The following PLSCR2 variants were observed in gnomAD, a reference collection of about 807,000 sequenced individuals.
The protein encoded by PLSCR2 is phospholipid scramblase 2.
In PLSCR2, 18 loss-of-function variants were observed where a neutral mutation model predicts 25.3. The observed-to-expected ratio is 0.71, with a 90% CI of 0.49 to 1.06. PLSCR2 has a LOEUF of 1.06. Among genes scored for constraint, PLSCR2 ranks in the 50% least tolerant of loss-of-function variants. The pLI is 0.00. For synonymous variants in PLSCR2, 88 were observed against 87.3 expected (o/e 1.01, Z -0.04); for missense variants, 243 against 269.5 (o/e 0.90, Z 0.69).
rs2041468718 is a variant in PLSCR2 at position 146,459,984 on chromosome 3, T to A, written c.-80A>T. ...GCCAGCAGGTGGGACTAGGTAGTCATGCTGACGTCCTGGGTAGAAGGCCTG... is the reference window on the plus strand; with the variant it reads ...GCCAGCAGGTGGGACTAGGTAGTCAAGCTGACGTCCTGGGTAGAAGGCCTG... On this transcript the variant is annotated 5_prime_UTR_variant, in exon 2 of 7. The change abolishes an upstream ATG in the 5' untranslated region. Coordinates refer to ENST00000610787, the Ensembl canonical transcript of PLSCR2. 1.2e-6 allele frequency: 2 copies of A among 1,613,572 alleles called. No homozygotes were observed. The highest frequency in any genetic ancestry group is 1.7e-6 in the Non-Finnish European group (2 of 1,179,756).
chr3:146,481,370 GC>G (rs1294764769), intron 1 of PLSCR2, among the ~76,000 whole-genome samples: 6 of 152,312 alleles, frequency 3.9e-5, no homozygotes, highest in African/African-American at 1.4e-4. Flanking sequence ...AAGCTGATAA[GC>G]AACTTCAGCA....
intron 1 of PLSCR2, among the ~76,000 whole-genome samples, chr3:146,488,363 A>G (rs2043421660): frequency 6.6e-6 from 1 of 152,200 alleles, no homozygotes; most frequent in South Asian, 2.1e-4. Context: ...CTGGACAGCA[A>G]AAGAAATTAG....
intron 2 of PLSCR2, chr3:146,401,307 A>T (rs1185733694): frequency 1.3e-5 from 2 of 152,494 alleles, no homozygotes; most frequent in African/African-American, 2.4e-5. Context: ...AGACTTTATC[A>T]TACTGTCCGG....
At chr3:146,423,282 T>C (rs12497694) in intron 2 of PLSCR2, among the ~76,000 whole-genome samples, 9,962 of 99,160 alleles carry the variant, frequency 0.1, 1,087 homozygotes, top group South Asian at 0.17. Flanking sequence ...TCTCTCTCTC[T>C]CCCTGGCTAG....
At chr3:146,392,058 AT>A (rs1486336064) in intron 3 of PLSCR2, among the ~76,000 whole-genome samples, 1 of 152,028 alleles carries the variant, frequency 6.6e-6, no homozygotes, top group East Asian at 1.9e-4. Context: ...AAAGTATTTC[AT>A]TTTTTAGTTT....
At chr3:146,476,794 G>T (rs2042300153) in intron 1 of PLSCR2, among the ~76,000 whole-genome samples, 2 of 152,224 alleles carry the variant, frequency 1.3e-5, no homozygotes, top group African/African-American at 4.8e-5. Flanking sequence ...CTTACTGGGT[G>T]GGGCCTCCCT....
In PLSCR2 at chr3:146,473,783, G is replaced by C. The variant is rs2108505264; in HGVS notation, c.-292-13499C>G. Among the ~76,000 whole-genome samples, 2 of 152,294 alleles carry C rather than the reference G, an allele frequency of 1.3e-5. 1 individual carries two copies. The highest frequency in any genetic ancestry group is 4.1e-4 in the South Asian group (2 of 4,830). ...TCAATATGTGTTTCCCACATCCAGA[G>C]TTTCTAATTCAATATATTTGGAACG... On this transcript the variant is annotated intron_variant, in intron 1 of 8. Coordinates refer to the PLSCR2 transcript ENST00000336685.
At chr3:146,454,273 C>A in intron 4 of PLSCR2, 110 bp from the exon 5 acceptor site, 1 of 654,730 alleles carries the variant, frequency 1.5e-6, no homozygotes. Context: ...TAAGTGAGGA[C>A]TTCCTAGGAC....
chr3:146,413,677 C>T (rs2038922764), intron 2 of PLSCR2, among the ~76,000 whole-genome samples: 2 of 152,196 alleles, frequency 1.3e-5, no homozygotes, highest in Admixed American at 6.5e-5. Context: ...ATTGCCTTTA[C>T]TGTGTATCTT....
chr3:146,404,963 C>A (rs143417596), intron 2 of PLSCR2, among the ~76,000 whole-genome samples: 5 of 152,150 alleles, frequency 3.3e-5, no homozygotes, highest in African/African-American at 1.2e-4. Context: ...ATGTTTGACC[C>A]TTAAGGCCTC....
chr3:146,477,053 G>A (rs1267481889), intron 1 of PLSCR2, among the ~76,000 whole-genome samples: 3 of 152,174 alleles, frequency 2.0e-5, no homozygotes, highest in African/African-American at 7.2e-5. Flanking sequence ...CTCCCAGCTG[G>A]GTGAGAACCC....
chr3:146,449,474 C>A, intron 5 of PLSCR2, 107 bp from the exon 6 acceptor site: 1 of 701,576 alleles, frequency 1.4e-6, no homozygotes, highest in Non-Finnish European at 2.4e-6. Context: ...CATTTATGCA[C>A]CATACATGAG....
At chr3:146,469,441 A>G in intron 1 of PLSCR2, 54 bp downstream of exon 1, 1 of 925,202 alleles carries the variant, frequency 1.1e-6, no homozygotes, top group Non-Finnish European at 1.3e-6. Context: ...CGTCCCCACT[A>G]GCCAGGCACA....
chr3:146,395,091 T>C (rs1236538656), intron 3 of PLSCR2, among the ~76,000 whole-genome samples: 2 of 152,320 alleles, frequency 1.3e-5, no homozygotes, highest in South Asian at 2.1e-4. Context: ...TATTTCTTTA[T>C]AGCAGTGCAA....
At position 146,442,469 on chromosome 3, in the gene PLSCR2, T is replaced by G. The variant is rs57501572; in HGVS notation, c.646-648A>C. 2.0e-5 allele frequency among the ~76,000 whole-genome samples: 3 copies of G among 152,056 alleles called. No homozygotes were observed. The East Asian group carries it at 5.8e-4, about 29-fold the overall frequency. ...GATATAGAAAAAATAATCATAAAAT[T>G]TGTATGGAATCACAAAAGACCCCAA... On this transcript the variant is annotated intron_variant, in intron 6 of 6. Coordinates refer to ENST00000610787, the Ensembl canonical transcript of PLSCR2.
intron 2 of PLSCR2, among the ~76,000 whole-genome samples, chr3:146,411,466 C>T (rs1303392826): frequency 6.6e-6 from 1 of 152,222 alleles, no homozygotes; most frequent in Non-Finnish European, 1.5e-5. Flanking sequence ...AATCCGCTCT[C>T]CTCCGGAAGA....
chr3:146,419,486 C>T (rs1523335), intron 2 of PLSCR2, among the ~76,000 whole-genome samples: 2 of 151,830 alleles, frequency 1.3e-5, no homozygotes, highest in African/African-American at 2.4e-5. Flanking sequence ...CCCACTTCCA[C>T]GTACCAAAAC....
At chr3:146,467,321 G>A (rs2041916677) in intron 1 of PLSCR2, among the ~76,000 whole-genome samples, 1 of 152,100 alleles carries the variant, frequency 6.6e-6, no homozygotes, top group African/African-American at 2.4e-5. Flanking sequence ...GAGTCTTAAA[G>A]TCAGTTATTC....
At chr3:146,474,746 C>A (rs1181946423) in intron 1 of PLSCR2, among the ~76,000 whole-genome samples, 3 of 152,052 alleles carry the variant, frequency 2.0e-5, no homozygotes, top group Admixed American at 2.0e-4. Context: ...AACTTCTTTT[C>A]ATTCTCCCTG....
Sources: gnomAD v4.1 joint callset for allele counts (sites outside exome capture counted in the v4.1 genomes callset) on GRCh38, gnomAD v4.1.1 for gene constraint, MANE v1.5 for transcripts, NCBI Gene and HGNC (gene_info 2026-07-23, HGNC 2026-07-21) for gene names.